HTT-AS: variants seen among roughly 807,000 people sequenced by gnomAD.
The protein encoded by HTT-AS is HTT antisense RNA (head to head).
chr4:3,056,505 T>C (rs1340852033), intron 2 of HTT-AS, among the ~76,000 whole-genome samples: 1 of 152,210 alleles, frequency 6.6e-6, no homozygotes, highest in Non-Finnish European at 1.5e-5. Flanking sequence ...CTTGTCTACC[T>C]ATAAGTTAGG....
chr4:3,062,515 C>T (rs1362980680), exon 2 of HTT-AS, among the ~76,000 whole-genome samples: 1 of 152,086 alleles, frequency 6.6e-6, no homozygotes, highest in African/African-American at 2.4e-5. Flanking sequence ...AAACACCTCC[C>T]CTCTGCGGCC....
chr4:3,074,469 C>A, exon 1 of HTT-AS: 1 of 223,374 alleles, frequency 4.5e-6, no homozygotes. Flanking sequence ...CCGTTGAGCC[C>A]CGCGCCTTCG....
At chr4:3,074,171 C>T (rs1712312278) in intron 1 of HTT-AS, among the ~76,000 whole-genome samples, 1 of 135,190 alleles carries the variant, frequency 7.4e-6, no homozygotes, top group African/African-American at 2.8e-5. Flanking sequence ...CGCTCCGCCC[C>T]TCAGCCGCCC....
chr4:3,070,450 C>T (rs1020980423), intron 1 of HTT-AS, among the ~76,000 whole-genome samples: 9 of 152,126 alleles, frequency 5.9e-5, no homozygotes, highest in African/African-American at 1.9e-4. Flanking sequence ...GCCACCATGC[C>T]CGGCTAATTT....
chr4:3,054,015 C>A (rs1055433235), intron 2 of HTT-AS, among the ~76,000 whole-genome samples: 1 of 151,954 alleles, frequency 6.6e-6, no homozygotes, highest in South Asian at 2.1e-4. Flanking sequence ...GCCTCCGCCT[C>A]CCAAAGTGCT....
intron 2 of HTT-AS, among the ~76,000 whole-genome samples, chr4:3,057,240 G>A (rs751823431): frequency 6.6e-6 from 1 of 151,902 alleles, no homozygotes; most frequent in African/African-American, 2.4e-5. Context: ...TCACCGTGTT[G>A]GCCAGGATGG....
chr4:3,050,226 G>C (rs761061090), intron 2 of HTT-AS, among the ~76,000 whole-genome samples: 1 of 152,104 alleles, frequency 6.6e-6, no homozygotes, highest in South Asian at 2.1e-4. Context: ...CTCCAAATTA[G>C]GTGCATTGCA....
At chr4:3,074,109 T>G (rs1712306240) in intron 1 of HTT-AS, among the ~76,000 whole-genome samples, 1 of 109,102 alleles carries the variant, frequency 9.2e-6, no homozygotes, top group African/African-American at 3.5e-5. Context: ...CTCACCTTCC[T>G]GCCCCGCCCC....
chr4:3,068,402 G>A (rs947415617), intron 1 of HTT-AS, among the ~76,000 whole-genome samples: 8 of 149,956 alleles, frequency 5.3e-5, no homozygotes, highest in South Asian at 2.1e-4. Context: ...ACCAAAATCC[G>A]TGAAGAAGGA....
intron 1 of HTT-AS, among the ~76,000 whole-genome samples, chr4:3,068,472 T>C (rs975132569): frequency 4.6e-5 from 7 of 152,050 alleles, no homozygotes; most frequent in African/African-American, 7.2e-5. Flanking sequence ...GAAGACCCAC[T>C]GTCCAAGGAA....
At chr4:3,057,555 C>T (rs1711830970) in intron 2 of HTT-AS, among the ~76,000 whole-genome samples, 1 of 152,156 alleles carries the variant, frequency 6.6e-6, no homozygotes, top group South Asian at 2.1e-4. Flanking sequence ...CTAAGAAAGC[C>T]AAGGAATAGA....
At chr4:3,069,700 C>A (rs982833977) in intron 1 of HTT-AS, among the ~76,000 whole-genome samples, 180 of 152,284 alleles carry the variant, frequency 1.2e-3, no homozygotes, top group Middle Eastern at 6.8e-3. Flanking sequence ...GGAGGACGCG[C>A]CCCCGCCGCT....
At chr4:3,048,004 G>A (rs1352761694), downstream of HTT-AS, among the ~76,000 whole-genome samples, 1 of 152,212 alleles carries the variant, frequency 6.6e-6, no homozygotes, top group African/African-American at 2.4e-5. Context: ...CATTGGAGAT[G>A]ACTCACACTC....
intron 1 of HTT-AS, among the ~76,000 whole-genome samples, chr4:3,071,598 C>CA: frequency 6.6e-6 from 1 of 152,282 alleles, no homozygotes; most frequent in African/African-American, 2.4e-5. Context: ...TGCTAGGGTG[C>CA]AACTCTATTA....
At chr4:3,050,835 G>A (rs942770375) in intron 2 of HTT-AS, among the ~76,000 whole-genome samples, 2 of 151,982 alleles carry the variant, frequency 1.3e-5, no homozygotes, top group Admixed American at 6.6e-5. Context: ...AGATTATCCC[G>A]TTTACCTCTC....
At chr4:3,071,638 C>G (rs1712176166) in intron 1 of HTT-AS, among the ~76,000 whole-genome samples, 1 of 152,162 alleles carries the variant, frequency 6.6e-6, no homozygotes, top group African/African-American at 2.4e-5. Context: ...CTGTGTCCCT[C>G]ATTCAGGTTG....
In HTT-AS at chr4:3,049,338, C is replaced by T. The variant is rs112371196; in HGVS notation, n.1741G>A. ...ACTCGGAAGGCTGAGGTATGAGAAT[C>T]GCTTGAACCCAGGAGGCAGAGGTTG... On this transcript the variant is annotated non_coding_transcript_exon_variant, in exon 3 of 3. Coordinates refer to ENST00000664062, the Ensembl canonical transcript of HTT-AS. Among the ~76,000 whole-genome samples, 648 of 152,184 alleles carry T rather than the reference C, an allele frequency of 4.3e-3. 3 individuals carry two copies. Among genetic ancestry groups the T allele is most frequent in the Non-Finnish European group, 7.9e-3 (535 of 67,996 alleles).
intron 2 of HTT-AS, among the ~76,000 whole-genome samples, chr4:3,051,711 G>A (rs1711706145): frequency 6.6e-6 from 1 of 151,364 alleles, no homozygotes; most frequent in Non-Finnish European, 1.5e-5. Context: ...TGGAAAAAAG[G>A]ATTTGTGAGG....
At chr4:3,052,002 G>C (rs1333184124) in intron 2 of HTT-AS, among the ~76,000 whole-genome samples, 1 of 152,082 alleles carries the variant, frequency 6.6e-6, no homozygotes, top group Non-Finnish European at 1.5e-5. Context: ...AGGAATTTTG[G>C]GTTCATGTCA....
Sources: allele counts gnomAD v4.1 joint callset (sites outside exome capture counted in the v4.1 genomes callset), GRCh38; gene constraint gnomAD v4.1.1; transcripts MANE v1.5; gene names NCBI Gene and HGNC (gene_info 2026-07-23, HGNC 2026-07-21).